Variants in ATP8A2 observed in about 807,000 individuals in gnomAD.
ATP8A2 encodes phospholipid-transporting ATPase IB.
Under a neutral mutation model 165.6 loss-of-function variants are expected in ATP8A2, and 100 were observed. The ratio of observed to expected loss-of-function variants is 0.60; its 90% CI spans 0.51 to 0.71. ATP8A2 has a LOEUF of 0.71. Ranked by LOEUF, ATP8A2 falls within the 30% of genes least tolerant of loss-of-function variation. The probability of loss-of-function intolerance (pLI) is 0.00; values close to 1 mark genes in which losing one functional copy is unlikely to be tolerated. For synonymous variants in ATP8A2, 543 were observed against 548.8 expected, an observed-to-expected ratio of 0.99 and a Z score of 0.15; for missense variants, 1,227 against 1,479.5, an observed-to-expected ratio of 0.83 and a Z score of 2.80.
At chr13:25,709,782 A>G (rs185265400) in intron 25 of ATP8A2, among the ~76,000 whole-genome samples, 2 of 152,364 alleles carry the variant, frequency 1.3e-5, no homozygotes, top group South Asian at 2.1e-4. Flanking sequence ...CCGTGTACCT[A>G]TAACTGTAGT....
intron 33 of ATP8A2, among the ~76,000 whole-genome samples, chr13:25,945,944 G>T (rs2139125429): frequency 6.6e-6 from 1 of 152,234 alleles, no homozygotes; most frequent in South Asian, 2.1e-4. Flanking sequence ...GTGGAAGGAA[G>T]AAGTATATGC....
At chr13:25,895,551 A>G (rs949376215) in intron 33 of ATP8A2, among the ~76,000 whole-genome samples, 1 of 152,160 alleles carries the variant, frequency 6.6e-6, no homozygotes, top group African/African-American at 2.4e-5. Context: ...GCCTCATAAA[A>G]TGAGTTAGGG....
intron 35 of ATP8A2, among the ~76,000 whole-genome samples, chr13:25,971,031 C>T (rs539930586): frequency 3.2e-4 from 49 of 152,008 alleles, no homozygotes; most frequent in Non-Finnish European, 3.4e-4. Flanking sequence ...TGCACGTGTG[C>T]GCGCACACAT....
intron 24 of ATP8A2, among the ~76,000 whole-genome samples, chr13:25,635,754 A>G (rs907120736): frequency 2.0e-5 from 3 of 152,218 alleles, no homozygotes; most frequent in African/African-American, 7.2e-5. Context: ...CACATCCCCT[A>G]TCAGAAATGG....
chr13:25,984,501 G>A (rs560105671), intron 35 of ATP8A2, among the ~76,000 whole-genome samples: 3 of 152,050 alleles, frequency 2.0e-5, no homozygotes, highest in Admixed American at 6.5e-5. Flanking sequence ...CTACTTGGGA[G>A]GCTAAGGCAC....
rs147099561 is a variant in ATP8A2 at position 25,792,786 on chromosome 13, G to A, written c.2679+17827G>A. On this transcript the variant is annotated intron_variant, in intron 27 of 36. Transcript: ENST00000381655. Reference sequence around the variant, plus strand: ...AAGAAAAAAAATAGCCGGGGGTGGTGGTATGGGCCTGTAGTCCTAGCTAGC... The same window carrying A: ...AAGAAAAAAAATAGCCGGGGGTGGTAGTATGGGCCTGTAGTCCTAGCTAGC... Among the ~76,000 whole-genome samples the A allele has an allele frequency of 2.8e-4, 42 of 151,928 alleles. No individual in the cohort carries two copies. The East Asian group carries it at 7.6e-3, about 27-fold the overall frequency.
intron 27 of ATP8A2, among the ~76,000 whole-genome samples, chr13:25,791,903 T>G (rs933900446): frequency 1.3e-5 from 2 of 152,162 alleles, no homozygotes; most frequent in Admixed American, 1.3e-4. Context: ...TATGCTCACC[T>G]TTTTTTGTGG....
intron 25 of ATP8A2, among the ~76,000 whole-genome samples, chr13:25,740,690 G>T (rs2043892908): frequency 6.6e-6 from 1 of 152,146 alleles, no homozygotes; most frequent in Non-Finnish European, 1.5e-5. Flanking sequence ...TGCAGATTTG[G>T]CATGAAAGAT....
intron 24 of ATP8A2, among the ~76,000 whole-genome samples, chr13:25,618,526 G>T: frequency 6.6e-6 from 1 of 152,056 alleles, no homozygotes; most frequent in Non-Finnish European, 1.5e-5. Flanking sequence ...TTACCTCAGT[G>T]AAGACCCATG....
At chr13:25,587,309 TC>T (rs2039949823) in intron 23 of ATP8A2, among the ~76,000 whole-genome samples, 1 of 152,208 alleles carries the variant, frequency 6.6e-6, no homozygotes, top group African/African-American at 2.4e-5. Flanking sequence ...AAATCTCACT[TC>T]CGTATCCAAA....
chr13:25,410,242 C>T (rs2033929772), intron 1 of ATP8A2, among the ~76,000 whole-genome samples: 2 of 151,980 alleles, frequency 1.3e-5, no homozygotes, highest in African/African-American at 4.8e-5. Flanking sequence ...AGTGTTCTCC[C>T]TCCAGTTTCT....
At chr13:25,970,286 A>C (rs143130951) in intron 35 of ATP8A2, among the ~76,000 whole-genome samples, 101 of 152,348 alleles carry the variant, frequency 6.6e-4, no homozygotes, top group African/African-American at 2.2e-3. Flanking sequence ...ATGTGGTGTG[A>C]GAATGTGCTT....
chr13:25,507,217 CTT>C (rs2037072284), intron 2 of ATP8A2, among the ~76,000 whole-genome samples: 6 of 127,332 alleles, frequency 4.7e-5, no homozygotes, highest in South Asian at 2.7e-4. Context: ...TGGTACCATT[CTT>C]TGTGTGTGTG....
At chr13:25,485,812 G>A (rs1197890322) in intron 2 of ATP8A2, among the ~76,000 whole-genome samples, 1 of 152,220 alleles carries the variant, frequency 6.6e-6, no homozygotes, top group Admixed American at 6.5e-5. Flanking sequence ...CCCATTTATA[G>A]AGATGACTCT....
At chr13:25,821,454 C>G (rs1206129040) in intron 27 of ATP8A2, among the ~76,000 whole-genome samples, 1 of 152,094 alleles carries the variant, frequency 6.6e-6, no homozygotes, top group Non-Finnish European at 1.5e-5. Flanking sequence ...TTTCAGGATC[C>G]AAATTTGTGA....
chr13:25,572,204 G>A (rs1447628892), intron 18 of ATP8A2, among the ~76,000 whole-genome samples: 5 of 152,016 alleles, frequency 3.3e-5, no homozygotes, highest in Non-Finnish European at 7.4e-5. Flanking sequence ...GTGCAATCTC[G>A]GCTCACTGCA....
rs147300285 is a variant in ATP8A2 at position 25,654,394 on chromosome 13, G to A, written c.2212-44779G>A. The stretch of plus-strand genomic sequence containing the variant: ...TAATATTTGTAATTTTTATGGAGAT[G>A]GGATTTCATCATGTTGCCCAGATAG... On this transcript the variant is annotated intron_variant, in intron 24 of 36. Transcript: ENST00000381655. Among the ~76,000 whole-genome samples the A allele has an allele frequency of 2.1e-3, 323 of 152,222 alleles. 1 individual carries two copies. Among genetic ancestry groups the A allele is most frequent in the African/African-American group, 7.5e-3 (310 of 41,522 alleles).
chr13:25,775,501 A>G (rs2138326708), intron 27 of ATP8A2, among the ~76,000 whole-genome samples: 1 of 152,286 alleles, frequency 6.6e-6, no homozygotes, highest in Non-Finnish European at 1.5e-5. Flanking sequence ...GGGGAGTAAA[A>G]CAGCAAGGTC....
chr13:25,414,510 A>AG (rs1339071463), intron 1 of ATP8A2, among the ~76,000 whole-genome samples: 1 of 152,176 alleles, frequency 6.6e-6, no homozygotes, highest in African/African-American at 2.4e-5. Context: ...TTTCTTAAAC[A>AG]GAAGTACTCA....
Sources: allele counts gnomAD v4.1 joint callset (sites outside exome capture counted in the v4.1 genomes callset), GRCh38; gene constraint gnomAD v4.1.1; transcripts MANE v1.5; gene names NCBI Gene and HGNC (gene_info 2026-07-23, HGNC 2026-07-21).